Variants in OTUD7A observed in about 807,000 individuals in gnomAD.
The protein encoded by OTUD7A is OTU deubiquitinase 7A.
In OTUD7A, 12 loss-of-function variants were observed where a neutral mutation model predicts 65.7. That is an observed-to-expected ratio of 0.18 (90% CI 0.12 to 0.30). OTUD7A has a LOEUF of 0.30. OTUD7A is among the 10% of genes least tolerant of loss of function. The probability of loss-of-function intolerance (pLI) is 1.00; values close to 1 mark genes in which losing one functional copy is unlikely to be tolerated. For synonymous variants in OTUD7A, 641 were observed against 586.3 expected (o/e 1.09, Z -1.35); for missense variants, 1,148 against 1,304.8 (o/e 0.88, Z 1.85).
intron 1 of OTUD7A, among the ~76,000 whole-genome samples, chr15:31,670,551 A>G (rs4444302): frequency 0.021 from 3,194 of 151,970 alleles, 110 homozygotes; most frequent in African/African-American, 0.072. Flanking sequence ...GCTCTATTTC[A>G]TATGTTTGTT....
Position 31,569,990 on chromosome 15 carries a change from G to A in OTUD7A, c.331+28C>T, listed in dbSNP as rs1888995055. The A allele has an allele frequency of 1.9e-6, 3 of 1,611,252 alleles. No homozygotes were observed. The East Asian group carries it at 6.7e-5, about 36-fold the overall frequency. On this transcript the variant is annotated intron_variant, in intron 4 of 12. Transcript: ENST00000307050. ...CTGCGGTGCACTGGCCTGGGCGGCT[G>A]TGCCTAGGCTCAGTCCCTCAGCGGT...
chr15:31,560,303 C>A (rs562755854), intron 4 of OTUD7A, among the ~76,000 whole-genome samples: 1 of 152,364 alleles, frequency 6.6e-6, no homozygotes, highest in East Asian at 1.9e-4. Context: ...TCTCTTCTGT[C>A]TGGATATTCT....
At position 31,505,989 on chromosome 15, in the gene OTUD7A, C is replaced by T. The variant is rs1032712882; in HGVS notation, c.894-2171G>A. On this transcript the variant is annotated intron_variant, in intron 8 of 12. Transcript: ENST00000307050. ...TCCTGACCTCGTGATCCACCTGCCT[C>T]GGCCTCCCAAAGTGCTGGGATTACA... Among the ~76,000 whole-genome samples the T allele has an allele frequency of 3.3e-5, 5 of 152,030 alleles. No homozygotes were observed. The South Asian group carries it at 6.2e-4, about 19-fold the overall frequency.
chr15:31,778,349 G>C (rs947060628), intron 1 of OTUD7A, among the ~76,000 whole-genome samples: 3 of 152,190 alleles, frequency 2.0e-5, no homozygotes, highest in African/African-American at 7.2e-5. Flanking sequence ...GGTGCAGCTG[G>C]GGGATTCCAT....
intron 1 of OTUD7A, among the ~76,000 whole-genome samples, chr15:31,703,155 T>C (rs569405819): frequency 6.6e-6 from 1 of 152,150 alleles, no homozygotes; most frequent in Admixed American, 6.5e-5. Context: ...ACAAAACTTT[T>C]TGAAAATAAA....
At chr15:31,699,519 G>A (rs1272204945) in intron 1 of OTUD7A, among the ~76,000 whole-genome samples, 1 of 152,180 alleles carries the variant, frequency 6.6e-6, no homozygotes, top group Non-Finnish European at 1.5e-5. Context: ...AGCTGCTCAT[G>A]TAGCAATAAT....
At chr15:31,728,729 T>C (rs941897114) in intron 1 of OTUD7A, among the ~76,000 whole-genome samples, 1 of 152,256 alleles carries the variant, frequency 6.6e-6, no homozygotes, top group Admixed American at 6.5e-5. Context: ...AGTCCCACCT[T>C]TATTTTCTCA....
intron 1 of OTUD7A, among the ~76,000 whole-genome samples, chr15:31,824,954 G>A (rs1010378988): frequency 6.6e-6 from 1 of 152,082 alleles, no homozygotes; most frequent in Admixed American, 6.6e-5. Flanking sequence ...TATTATCTTT[G>A]TCTTTATACT....
At chr15:31,723,560 C>A (rs1393349376) in intron 1 of OTUD7A, among the ~76,000 whole-genome samples, 1 of 140,424 alleles carries the variant, frequency 7.1e-6, no homozygotes, top group Non-Finnish European at 1.5e-5. Flanking sequence ...ATGATATGTT[C>A]TTGGGTGATT....
chr15:31,848,736 G>C (rs1897348353), intron 1 of OTUD7A, among the ~76,000 whole-genome samples: 1 of 152,192 alleles, frequency 6.6e-6, no homozygotes. Flanking sequence ...GTTGTGAAAG[G>C]CTGGTGAGTT....
intron 1 of OTUD7A, among the ~76,000 whole-genome samples, chr15:31,680,684 C>T (rs2141305348): frequency 6.6e-6 from 1 of 152,238 alleles, no homozygotes; most frequent in East Asian, 1.9e-4. Context: ...AGCATCATTT[C>T]CTACTGAAAC....
chr15:31,852,968 G>C (rs1282102686), intron 1 of OTUD7A, among the ~76,000 whole-genome samples: 1 of 152,222 alleles, frequency 6.6e-6, no homozygotes, highest in Non-Finnish European at 1.5e-5. Flanking sequence ...GACAGGCTGA[G>C]GAGGTGGGGA....
intron 1 of OTUD7A, among the ~76,000 whole-genome samples, chr15:31,796,211 TC>T: frequency 6.6e-6 from 1 of 151,626 alleles, no homozygotes; most frequent in African/African-American, 2.4e-5. Flanking sequence ...TATCTATCTA[TC>T]TATCTATCTA....
At chr15:31,640,867 T>C (rs1355452979) in intron 3 of OTUD7A, among the ~76,000 whole-genome samples, 1 of 152,196 alleles carries the variant, frequency 6.6e-6, no homozygotes, top group African/African-American at 2.4e-5. Flanking sequence ...TGTATGTGTG[T>C]GTGCCTTGAA....
chr15:31,772,494 T>C (rs972568557), intron 1 of OTUD7A, among the ~76,000 whole-genome samples: 5 of 152,170 alleles, frequency 3.3e-5, no homozygotes, highest in African/African-American at 1.2e-4. Context: ...CGATTCTCCA[T>C]GCACTGCATA....
chr15:31,650,557 C>CA (rs2141272931), intron 3 of OTUD7A, among the ~76,000 whole-genome samples: 1 of 128,394 alleles, frequency 7.8e-6, no homozygotes, highest in South Asian at 2.3e-4. Context: ...CTCACAGACT[C>CA]ACAGCAACCA....
intron 1 of OTUD7A, among the ~76,000 whole-genome samples, chr15:31,808,347 G>A (rs1369151718): frequency 2.0e-5 from 3 of 152,140 alleles, no homozygotes; most frequent in Non-Finnish European, 2.9e-5. Context: ...AGCTTCAAAA[G>A]TGATACCCAC....
intron 3 of OTUD7A, among the ~76,000 whole-genome samples, chr15:31,588,686 C>T (rs1889620961): frequency 6.6e-6 from 1 of 152,174 alleles, no homozygotes; most frequent in African/African-American, 2.4e-5. Flanking sequence ...GGGTGGAGTC[C>T]AGGCCTCTGA....
intron 3 of OTUD7A, among the ~76,000 whole-genome samples, chr15:31,646,921 T>C (rs1891690473): frequency 6.6e-6 from 1 of 152,206 alleles, no homozygotes; most frequent in East Asian, 1.9e-4. Context: ...GCAAATGGTC[T>C]TAATGGGTCT....
Sources: allele counts gnomAD v4.1 joint callset (sites outside exome capture counted in the v4.1 genomes callset), GRCh38; gene constraint gnomAD v4.1.1; transcripts MANE v1.5; gene names NCBI Gene and HGNC (gene_info 2026-07-23, HGNC 2026-07-21).